Variants in FGGY observed in about 807,000 individuals in gnomAD.
FGGY encodes FGGY carbohydrate kinase domain containing.
A neutral mutation model predicts 71.3 loss-of-function variants in FGGY; 72 were observed. The ratio of observed to expected loss-of-function variants is 1.01; its 90% confidence interval spans 0.84 to 1.23. The LOEUF (loss-of-function observed/expected upper bound fraction) is 1.23, where lower values mean the gene tolerates loss of function less well. Among genes scored for constraint, FGGY ranks in the 50% most tolerant of loss-of-function variants. The pLI, the probability that FGGY is intolerant of heterozygous loss-of-function variation, is 0.00. For missense variants in FGGY, 668 were observed against 682.3 expected, an observed-to-expected ratio of 0.98 and a Z score of 0.23; for synonymous variants, 251 against 250.3, an observed-to-expected ratio of 1.00 and a Z score of -0.02.
intron 5 of FGGY, among the ~76,000 whole-genome samples, chr1:59,451,293 C>T (rs1178543645): frequency 6.6e-6 from 1 of 151,686 alleles, no homozygotes; most frequent in African/African-American, 2.4e-5. Flanking sequence ...TTCTGTGTAC[C>T]CCTTCTCTAG....
intron 5 of FGGY, among the ~76,000 whole-genome samples, chr1:59,395,330 G>A (rs867599620): frequency 1.2e-4 from 19 of 152,172 alleles, no homozygotes; most frequent in Admixed American, 2.6e-4. Flanking sequence ...TTCCAGAAAA[G>A]TTATATTTTT....
At chr1:59,496,468 C>T (rs1292480037) in intron 6 of FGGY, among the ~76,000 whole-genome samples, 1 of 152,086 alleles carries the variant, frequency 6.6e-6, no homozygotes, top group African/African-American at 2.4e-5. Context: ...TAAGTGGGAG[C>T]TAAACACCAA....
intron 5 of FGGY, chr1:59,393,352 C>T (rs1403951315): frequency 6.6e-6 from 1 of 152,142 alleles, no homozygotes; most frequent in African/African-American, 2.4e-5. Flanking sequence ...GCGGCTGGCC[C>T]TAGAGACACT....
intron 5 of FGGY, among the ~76,000 whole-genome samples, chr1:59,450,524 T>G (rs767523099): frequency 1.1e-4 from 16 of 152,140 alleles, no homozygotes; most frequent in Non-Finnish European, 2.1e-4. Context: ...TCCTCCTATA[T>G]GAGTATACAG....
chr1:59,536,477 T>C (rs1235954121), intron 7 of FGGY, among the ~76,000 whole-genome samples: 1 of 152,212 alleles, frequency 6.6e-6, no homozygotes, highest in Non-Finnish European at 1.5e-5. Flanking sequence ...TAACTCATTT[T>C]ATGAGGCCAG....
intron 6 of FGGY, among the ~76,000 whole-genome samples, chr1:59,481,738 T>C (rs982693333): frequency 2.6e-5 from 4 of 152,182 alleles, no homozygotes; most frequent in African/African-American, 9.7e-5. Flanking sequence ...TTTTAGGTAT[T>C]GTATTTGCAA....
chr1:59,589,393 A>G (rs960287185), intron 8 of FGGY, among the ~76,000 whole-genome samples: 20 of 152,180 alleles, frequency 1.3e-4, no homozygotes, highest in Admixed American at 3.3e-4. Flanking sequence ...CAGAAAGTTA[A>G]CAAGGATACC....
intron 5 of FGGY, among the ~76,000 whole-genome samples, chr1:59,450,283 C>T (rs2072395305): frequency 6.6e-6 from 1 of 152,162 alleles, no homozygotes; most frequent in Non-Finnish European, 1.5e-5. Context: ...ATATATAATA[C>T]ACTTTCATAT....
In FGGY at chr1:59,380,449, C is replaced by T. The variant is rs559447842; in HGVS notation, c.554+1612C>T. Among the ~76,000 whole-genome samples the T allele has an allele frequency of 6.5e-4, 99 of 151,632 alleles. 6 individuals are homozygous for T. Among genetic ancestry groups the T allele is most frequent in the African/African-American group, 2.3e-3 (94 of 40,934 alleles). On this transcript the variant is annotated intron_variant, in intron 5 of 15. Coordinates refer to ENST00000303721, the MANE Select transcript of FGGY (RefSeq NM_018291.5). ...TGTTCCCATTTCTCCACATCCTCTCCGGCACCTGTTGTTTCCTGACTTTTT... is the reference window on the plus strand; with the variant it reads ...TGTTCCCATTTCTCCACATCCTCTCTGGCACCTGTTGTTTCCTGACTTTTT...
intron 1 of FGGY, among the ~76,000 whole-genome samples, chr1:59,297,816 GA>G (rs35768218): frequency 0.043 from 5,798 of 134,902 alleles, 195 homozygotes; most frequent in African/African-American, 0.095. Context: ...GAGCGTCTCA[GA>G]AAAAAAAAAA....
intron 8 of FGGY, among the ~76,000 whole-genome samples, chr1:59,602,227 C>T (rs977243849): frequency 6.6e-6 from 1 of 152,120 alleles, no homozygotes; most frequent in African/African-American, 2.4e-5. Context: ...GAAAGCCCTC[C>T]TCTTCTATTT....
chr1:59,736,364 G>A (rs2098103806), intron 14 of FGGY, among the ~76,000 whole-genome samples: 1 of 152,160 alleles, frequency 6.6e-6, no homozygotes, highest in Admixed American at 6.5e-5. Context: ...TTGGTAACAG[G>A]CAGAGGTTGG....
rs55770284 is a variant in FGGY at position 59,615,942 on chromosome 1, G to A, written c.1011+8032G>A. 5.2e-3 allele frequency among the ~76,000 whole-genome samples: 787 copies of A among 152,210 alleles called. 8 individuals carry two copies. The highest frequency in any genetic ancestry group is 0.016 in the East Asian group (82 of 5,180). Reference sequence around the variant, plus strand: ...CAGAGAAATGCAAATCAAAACCACAGTGAGATACCATCTCACACCACTTAG... The same window carrying A: ...CAGAGAAATGCAAATCAAAACCACAATGAGATACCATCTCACACCACTTAG... On this transcript the variant is annotated intron_variant, in intron 9 of 15. Coordinates refer to ENST00000303721, the MANE Select transcript of FGGY (RefSeq NM_018291.5).
intron 14 of FGGY, among the ~76,000 whole-genome samples, chr1:59,688,950 A>G (rs1398664484): frequency 6.6e-6 from 1 of 152,080 alleles, no homozygotes; most frequent in African/African-American, 2.4e-5. Context: ...GGATTTCACC[A>G]TATTGGCCAG....
At chr1:59,609,533 G>C (rs2096654822) in intron 9 of FGGY, among the ~76,000 whole-genome samples, 1 of 152,180 alleles carries the variant, frequency 6.6e-6, no homozygotes, top group Non-Finnish European at 1.5e-5. Flanking sequence ...AGATTGGCAG[G>C]CTTCTGAGAG....
chr1:59,547,021 C>T (rs765492679), intron 7 of FGGY, among the ~76,000 whole-genome samples: 4 of 145,106 alleles, frequency 2.8e-5, no homozygotes, highest in Non-Finnish European at 6.0e-5. Context: ...GGCGCGATCT[C>T]GATTCACTGC....
chr1:59,648,798 T>C (rs1423327291), intron 11 of FGGY, among the ~76,000 whole-genome samples: 1 of 152,060 alleles, frequency 6.6e-6, no homozygotes, highest in Non-Finnish European at 1.5e-5. Context: ...CATTGCTTTT[T>C]GTGTTTTAGA....
At chr1:59,523,567 A>T (rs541091728) in intron 7 of FGGY, among the ~76,000 whole-genome samples, 1 of 152,162 alleles carries the variant, frequency 6.6e-6, no homozygotes, top group South Asian at 2.1e-4. Context: ...GCCTCAGTAC[A>T]CTCTGTAGCT....
chr1:59,715,807 T>C (rs563446395), intron 14 of FGGY, among the ~76,000 whole-genome samples: 194 of 152,270 alleles, frequency 1.3e-3, no homozygotes, highest in South Asian at 2.7e-3. Flanking sequence ...CCTAAGGAAA[T>C]AGATTCTATA....
Sources: allele counts gnomAD v4.1 joint callset (sites outside exome capture counted in the v4.1 genomes callset), GRCh38; gene constraint gnomAD v4.1.1; transcripts MANE v1.5; gene names NCBI Gene and HGNC (gene_info 2026-07-23, HGNC 2026-07-21).